The following MAST4 variants were observed in gnomAD, a reference collection of about 807,000 sequenced individuals.
MAST4 encodes microtubule associated serine/threonine kinase family member 4, also known as microtubule-associated serine/threonine-protein kinase 4.
In MAST4, 89 loss-of-function variants were observed where a neutral mutation model predicts 162.7. The ratio of observed to expected loss-of-function variants is 0.55; its 90% CI spans 0.46 to 0.65. The LOEUF (loss-of-function observed/expected upper bound fraction) is 0.65. Among genes scored for constraint, MAST4 ranks in the 30% least tolerant of loss-of-function variants. The probability of loss-of-function intolerance (pLI) is 0.00; values close to 1 mark genes in which losing one functional copy is unlikely to be tolerated. For missense variants in MAST4, 3,153 were observed against 3,374.0 expected (o/e 0.93, Z 1.62); for synonymous variants, 1,479 against 1,361.1 (o/e 1.09, Z -1.91).
chr5:66,628,758 T>C (rs1279246774), intron 1 of MAST4, among the ~76,000 whole-genome samples: 1 of 152,062 alleles, frequency 6.6e-6, no homozygotes, highest in East Asian at 1.9e-4. Flanking sequence ...ATAACAGCCT[T>C]GGCAAAGAAG....
rs114756322 is a variant in MAST4, at chr5:67,051,146, G to T, written c.675-3258G>T. Among the ~76,000 whole-genome samples the T allele has an allele frequency of 4.1e-3, 617 of 151,524 alleles. 3 individuals are homozygous for T. The highest frequency in any genetic ancestry group is 5.3e-3 in the Non-Finnish European group (362 of 67,896). ...AGAAGTAGTATTCATGTTTAATCTGGTCGGACATCACCTGTTTTTCCCTTG... is the reference window on the plus strand; with the variant it reads ...AGAAGTAGTATTCATGTTTAATCTGTTCGGACATCACCTGTTTTTCCCTTG... On this transcript the variant is annotated intron_variant, in intron 4 of 28. Coordinates refer to ENST00000403625, the MANE Select transcript of MAST4 (RefSeq NM_001164664.2).
chr5:66,844,894 A>T (rs944923607), intron 3 of MAST4, among the ~76,000 whole-genome samples: 2 of 151,770 alleles, frequency 1.3e-5, no homozygotes, highest in Non-Finnish European at 2.9e-5. Flanking sequence ...AAGATCCAAT[A>T]GATAAGAAGG....
intron 1 of MAST4, among the ~76,000 whole-genome samples, chr5:66,663,532 G>A (rs1259512301): frequency 6.6e-6 from 1 of 152,176 alleles, no homozygotes; most frequent in Non-Finnish European, 1.5e-5. Context: ...ATAAAGAGCT[G>A]GAGGAAGTGA....
intron 3 of MAST4, among the ~76,000 whole-genome samples, chr5:66,793,289 C>T (rs527750247): frequency 1.3e-5 from 2 of 152,342 alleles, no homozygotes; most frequent in African/African-American, 2.4e-5. Flanking sequence ...AATACATGCT[C>T]AGCCAGTGTC....
At chr5:66,921,883 T>C (rs1049507597) in intron 4 of MAST4, among the ~76,000 whole-genome samples, 2 of 152,230 alleles carry the variant, frequency 1.3e-5, no homozygotes, top group Non-Finnish European at 2.9e-5. Flanking sequence ...TTAAATAATA[T>C]TATCTTCTTG....
At chr5:67,132,086 A>G in intron 16 of MAST4, 135 bp downstream of exon 16, 2 of 968,212 alleles carry the variant, frequency 2.1e-6, no homozygotes, top group South Asian at 1.9e-5. Context: ...TTTTAACAGT[A>G]TATATGGTAA....
intron 1 of MAST4, among the ~76,000 whole-genome samples, chr5:66,611,996 T>A (rs1355146161): frequency 6.6e-6 from 1 of 152,204 alleles, no homozygotes; most frequent in African/African-American, 2.4e-5. Context: ...TCTTGGGCAG[T>A]CAGAATAATT....
intron 3 of MAST4, among the ~76,000 whole-genome samples, chr5:66,807,509 A>T (rs574871295): frequency 6.6e-6 from 1 of 152,264 alleles, no homozygotes; most frequent in South Asian, 2.1e-4. Context: ...TCTCAAAAAA[A>T]AAAAAAAATG....
intron 1 of MAST4, among the ~76,000 whole-genome samples, chr5:66,694,735 C>G (rs1389728059): frequency 6.6e-6 from 1 of 152,198 alleles, no homozygotes; most frequent in Non-Finnish European, 1.5e-5. Flanking sequence ...GATCCGCCCA[C>G]CTTGGCCTTC....
intron 4 of MAST4, among the ~76,000 whole-genome samples, chr5:66,945,547 C>CATAGTTTACT (rs1450194427): frequency 6.6e-6 from 1 of 152,038 alleles, no homozygotes; most frequent in African/African-American, 2.4e-5. Context: ...TTTGTGGGGA[C>CATAGTTTACT]TGCCCCTCAG....
At chr5:66,676,199 C>T (rs1270924373) in intron 1 of MAST4, among the ~76,000 whole-genome samples, 2 of 152,154 alleles carry the variant, frequency 1.3e-5, no homozygotes, top group African/African-American at 2.4e-5. Context: ...TCTACAAATA[C>T]AGGCAAGTGT....
intron 3 of MAST4, among the ~76,000 whole-genome samples, chr5:66,864,715 C>T (rs36153): frequency 2.7e-5 from 4 of 150,628 alleles, no homozygotes; most frequent in East Asian, 2.0e-4. Flanking sequence ...AGGAGAAGAC[C>T]GCCATCTAGA....
chr5:66,624,369 G>A (rs1428252946), intron 1 of MAST4, among the ~76,000 whole-genome samples: 1 of 151,778 alleles, frequency 6.6e-6, no homozygotes, highest in African/African-American at 2.4e-5. Flanking sequence ...TAGTCAGGAT[G>A]GTCTCAATCT....
intron 1 of MAST4, among the ~76,000 whole-genome samples, chr5:66,728,598 G>A (rs914341132): frequency 2.6e-5 from 4 of 152,190 alleles, no homozygotes; most frequent in African/African-American, 9.7e-5. Flanking sequence ...GAAATGTCAT[G>A]ACTAAGAGAT....
intron 4 of MAST4, among the ~76,000 whole-genome samples, chr5:66,934,214 C>CTTTATTTTAT (rs541639193): frequency 0.021 from 3,189 of 150,122 alleles, 101 homozygotes; most frequent in African/African-American, 0.073. Context: ...CAGAGGCTTC[C>CTTTATTTTAT]TTTATTTTAT....
intron 1 of MAST4, among the ~76,000 whole-genome samples, chr5:66,725,606 G>T (rs1561288249): frequency 6.6e-6 from 1 of 152,124 alleles, no homozygotes; most frequent in African/African-American, 2.4e-5. Context: ...TTCTTAGATG[G>T]GCTGCCTGTA....
At chr5:66,715,138 G>GT (rs1750738259) in intron 1 of MAST4, among the ~76,000 whole-genome samples, 1 of 152,142 alleles carries the variant, frequency 6.6e-6, no homozygotes, top group South Asian at 2.1e-4. Context: ...CTGGACTAAT[G>GT]GGTTGCCTGG....
chr5:67,088,421 A>G (rs1168092374), intron 5 of MAST4, among the ~76,000 whole-genome samples: 1 of 152,342 alleles, frequency 6.6e-6, no homozygotes, highest in South Asian at 2.1e-4. Flanking sequence ...GAGCAAATTG[A>G]ACACTTTTCC....
chr5:66,877,774 T>C (rs1400406901), intron 3 of MAST4, among the ~76,000 whole-genome samples: 2 of 152,318 alleles, frequency 1.3e-5, no homozygotes, highest in Non-Finnish European at 2.9e-5. Flanking sequence ...CAGAACAAGA[T>C]GGACAGCCCT....
Sources: allele counts gnomAD v4.1 joint callset (sites outside exome capture counted in the v4.1 genomes callset), GRCh38; gene constraint gnomAD v4.1.1; transcripts MANE v1.5; gene names NCBI Gene and HGNC (gene_info 2026-07-23, HGNC 2026-07-21).